Variants in ARID4B observed in about 807,000 individuals in gnomAD.
ARID4B encodes AT-rich interaction domain 4B.
A neutral mutation model predicts 147.5 loss-of-function variants in ARID4B; 26 were observed. The observed-to-expected ratio is 0.18, with a 90% CI of 0.13 to 0.24. ARID4B has a LOEUF of 0.24. Among genes scored for constraint, ARID4B ranks in the 10% least tolerant of loss-of-function variants. The pLI is 1.00. For missense variants in ARID4B, 1,179 were observed against 1,511.5 expected, an observed-to-expected ratio of 0.78 and a Z score of 3.65; for synonymous variants, 512 against 507.9, an observed-to-expected ratio of 1.01 and a Z score of -0.11.
At chr1:235,230,988 G>A in intron 10 of ARID4B, 125 bp downstream of exon 10, 1 of 647,106 alleles carries the variant, frequency 1.5e-6, no homozygotes, top group Non-Finnish European at 2.6e-6. Flanking sequence ...AGGTCACAAG[G>A]AACCAAATAT....
At chr1:235,187,242 C>T (rs1056066910) in intron 19 of ARID4B, 4 of 200,716 alleles carry the variant, frequency 2.0e-5, no homozygotes, top group East Asian at 1.6e-4. Context: ...CCACCACACC[C>T]GGCTAACTGT....
At chr1:235,195,988 T>A (rs1171981861) in intron 18 of ARID4B, 43 bp downstream of exon 18, 3 of 1,224,762 alleles carry the variant, frequency 2.4e-6, no homozygotes, top group African/African-American at 1.5e-5. Context: ...GAGGAAAACT[T>A]CTTTTTAAGA....
In ARID4B at chr1:235,214,010, CTTT is replaced by C. The variant is rs773942265; in HGVS notation, c.1597_1599del (p.Lys533del). On this transcript the variant is annotated inframe_deletion, in exon 17 of 24. Transcript: ENST00000264183. ...GCTTCTTCATCATCTTCATCTTCTT[CTTT>C]ATTCGTTTCATCTCTTGAAAGGTTT... is the stretch of plus-strand genomic sequence containing the variant. The C allele has an allele frequency of 1.3e-6, 2 of 1,596,274 alleles. No individual in the cohort carries two copies. The highest frequency in any genetic ancestry group is 1.7e-5 in the Admixed American group (1 of 59,758).
chr1:235,304,909 G>A (rs2103258315), intron 2 of ARID4B, among the ~76,000 whole-genome samples: 1 of 152,244 alleles, frequency 6.6e-6, no homozygotes, highest in South Asian at 2.1e-4. Flanking sequence ...GGCCTAAGAA[G>A]CTAAATCATT....
chr1:235,293,810 C>CAA (rs1456181275), intron 2 of ARID4B, among the ~76,000 whole-genome samples: 2 of 150,474 alleles, frequency 1.3e-5, no homozygotes, highest in African/African-American at 2.4e-5. Context: ...AGGCATTAAG[C>CAA]AAAAAATATA....
Position 235,231,184 on chromosome 1 carries a change from G to A in ARID4B, c.671C>T (p.Ser224Leu). The stretch of plus-strand genomic sequence containing the variant: ...TTCATGGACATCTTTTCTTGGAACT[G>A]AAGTACTATATATTTTTTTTAATTA... ...VRSFKDGKFT[S>L]VPRKDVHEIT... Residue 224 changes from serine to leucine, a missense_variant, in exon 10 of 24, where the codon TCA (serine) becomes TTA (leucine). Ser to Leu is a moderately radical substitution (Grantham distance 145, BLOSUM62 -2). Transcript: ENST00000264183. The A allele has an allele frequency of 6.4e-7, 1 of 1,555,042 alleles. No individual in the cohort carries two copies. Among genetic ancestry groups the A allele is most frequent in the Non-Finnish European group, 8.7e-7 (1 of 1,146,694 alleles).
In ARID4B at chr1:235,257,144, T is replaced by G. The variant is rs1327988159; in HGVS notation, c.183+16A>C. 1.3e-6 allele frequency: 2 copies of G among 1,570,428 alleles called. No individual in the cohort carries two copies. Among genetic ancestry groups the G allele is most frequent in the Non-Finnish European group, 1.8e-6 (2 of 1,141,250 alleles). The stretch of plus-strand genomic sequence containing the variant: ...CCCAAACAACCATTAGAATTAACAA[T>G]GAATACATGAATTACCTTTAGTGGG... On this transcript the variant is annotated intron_variant, in intron 4 of 23. Transcript: ENST00000264183.
At chr1:235,213,635 A>G in intron 17 of ARID4B, 134 bp downstream of exon 17, 1 of 972,598 alleles carries the variant, frequency 1.0e-6, no homozygotes, top group Non-Finnish European at 1.5e-6. Context: ...TACATGCTAA[A>G]AACTATTTTT....
intron 2 of ARID4B, among the ~76,000 whole-genome samples, chr1:235,308,144 G>T (rs1408057313): frequency 7.0e-6 from 1 of 142,530 alleles, no homozygotes; most frequent in Non-Finnish European, 1.5e-5. Context: ...CTGTCGCCCA[G>T]GCTAGAGTGC....
intron 7 of ARID4B, among the ~76,000 whole-genome samples, chr1:235,243,405 C>T (rs1479415670): frequency 6.6e-6 from 1 of 152,076 alleles, no homozygotes; most frequent in Non-Finnish European, 1.5e-5. Flanking sequence ...AGAGAGCCTG[C>T]TTGATTTTTA....
At chr1:235,322,976 CATT>C (rs1159770495) in intron 2 of ARID4B, among the ~76,000 whole-genome samples, 1 of 151,330 alleles carries the variant, frequency 6.6e-6, no homozygotes, top group East Asian at 1.9e-4. Context: ...CTAAGCCAAT[CATT>C]GTTGAAGAAA....
At position 235,221,665 on chromosome 1, in the gene ARID4B, A is replaced by C; in HGVS notation, c.1066-3T>G. 6.4e-7 allele frequency: 1 copy of C among 1,568,490 alleles called. No homozygotes were observed. The highest frequency in any genetic ancestry group is 8.7e-7 in the Non-Finnish European group (1 of 1,143,070). On this transcript the variant is annotated splice_region_variant and splice_polypyrimidine_tract_variant and intron_variant, in intron 13 of 23. Transcript: ENST00000264183. The stretch of plus-strand genomic sequence containing the variant: ...TTCCAAACAGCTCCACTTTCAATCT[A>C]ATGGACAAAGTGAAACAAAAACTCT...
At chr1:235,189,202 CAGCCTGGCCA>C (rs1278159195) in intron 19 of ARID4B, among the ~76,000 whole-genome samples, 1 of 151,430 alleles carries the variant, frequency 6.6e-6, no homozygotes, top group Non-Finnish European at 1.5e-5. Flanking sequence ...AGTTCAAGAC[CAGCCTGGCCA>C]AGATGGTGAA....
chr1:235,170,910 CA>C (rs1164420998), intron 23 of ARID4B, among the ~76,000 whole-genome samples: 2,300 of 61,436 alleles, frequency 0.037, 46 homozygotes, highest in African/African-American at 0.1. Flanking sequence ...GACTCCGTCT[CA>C]AAAAAAAAAA....
chr1:235,295,740 G>A (rs1414774785), intron 2 of ARID4B: 3 of 152,422 alleles, frequency 2.0e-5, no homozygotes, highest in African/African-American at 7.3e-5. Context: ...AACCTGGGAG[G>A]TGGAGGTTGC....
At chr1:235,270,450 T>C (rs1458011828) in intron 2 of ARID4B, among the ~76,000 whole-genome samples, 4 of 131,386 alleles carry the variant, frequency 3.0e-5, no homozygotes, top group African/African-American at 8.6e-5. Flanking sequence ...TAAGCTACTT[T>C]AGGAGACAAA....
intron 4 of ARID4B, 41 bp from the exon 5 acceptor site, chr1:235,255,791 TAAATTAACAAACCAAAACCTGG>T: frequency 6.8e-7 from 1 of 1,462,552 alleles, no homozygotes; most frequent in Non-Finnish European, 9.4e-7. Context: ...TTTTAAAAGG[TAAATTAACAAACCAAAACCTGG>T]GTTTGTTTTC....
chr1:235,179,613 G>A (rs998322541), intron 20 of ARID4B, among the ~76,000 whole-genome samples: 1 of 149,886 alleles, frequency 6.7e-6, no homozygotes, highest in Non-Finnish European at 1.5e-5. Context: ...CTAAATTTAG[G>A]AGTAGCTTTC....
chr1:235,301,951 C>T (rs1160785104), intron 2 of ARID4B, among the ~76,000 whole-genome samples: 3 of 151,398 alleles, frequency 2.0e-5, no homozygotes, highest in Non-Finnish European at 4.4e-5. Context: ...CCTCGGCCTC[C>T]CAAAGTGCTA....
Sources: gnomAD v4.1 joint callset for allele counts (sites outside exome capture counted in the v4.1 genomes callset) on GRCh38, gnomAD v4.1.1 for gene constraint, MANE v1.5 for transcripts, NCBI Gene and HGNC (gene_info 2026-07-23, HGNC 2026-07-21) for gene names.